Variants in POMT2 observed in about 807,000 individuals in gnomAD.
POMT2 encodes protein O-mannosyltransferase 2.
In POMT2, 75 loss-of-function variants were observed where a neutral mutation model predicts 100.0. That is an observed-to-expected ratio of 0.75 (90% CI 0.62 to 0.91). The LOEUF is 0.91. Among genes scored for constraint, POMT2 ranks in the 40% least tolerant of loss-of-function variants. POMT2 has a pLI of 0.00. For synonymous variants in POMT2, 378 were observed against 374.1 expected, an observed-to-expected ratio of 1.01 and a Z score of -0.12; for missense variants, 940 against 955.1, an observed-to-expected ratio of 0.98 and a Z score of 0.21.
At chr14:77,286,064 G>C (rs1156854957) in intron 12 of POMT2, among the ~76,000 whole-genome samples, 1 of 152,144 alleles carries the variant, frequency 6.6e-6, no homozygotes, top group African/African-American at 2.4e-5. Flanking sequence ...ATTGCACTTT[G>C]GAAATTAAGA....
At chr14:77,291,248 G>T in intron 10 of POMT2, 66 bp downstream of exon 10, 1 of 1,508,114 alleles carries the variant, frequency 6.6e-7, no homozygotes, top group South Asian at 1.2e-5. Flanking sequence ...TTGCAGGCAT[G>T]AGAAATCTTA....
At chr14:77,277,610 C>T in intron 20 of POMT2, 129 bp from the exon 21 acceptor site, 1 of 778,030 alleles carries the variant, frequency 1.3e-6, no homozygotes, top group Non-Finnish European at 2.3e-6. Flanking sequence ...CTTTCACGGC[C>T]TTGTCTGTCT....
At chr14:77,279,171 T>C in intron 18 of POMT2, 2 of 475,350 alleles carry the variant, frequency 4.2e-6, no homozygotes, top group Non-Finnish European at 3.9e-6. Context: ...TACTTCCACC[T>C]CCCACATCTT....
chr14:77,314,994 G>A (rs1322118403), intron 1 of POMT2, among the ~76,000 whole-genome samples: 2 of 152,172 alleles, frequency 1.3e-5, no homozygotes, highest in Admixed American at 6.5e-5. Flanking sequence ...AGACTGAGAT[G>A]ATTAAAGGTT....
At chr14:77,313,739 C>G (rs1386424099) in intron 1 of POMT2, among the ~76,000 whole-genome samples, 1 of 152,192 alleles carries the variant, frequency 6.6e-6, no homozygotes, top group Non-Finnish European at 1.5e-5. Flanking sequence ...CAGAGTTTCA[C>G]TCTTGTTGCC....
At position 77,320,458 on chromosome 14, in the gene POMT2, C is replaced by A; in HGVS notation, c.224G>T (p.Arg75Leu). The A allele has an allele frequency of 6.5e-7, 1 of 1,545,994 alleles. No individual in the cohort carries two copies. The highest frequency in any genetic ancestry group is 8.7e-7 in the Non-Finnish European group (1 of 1,146,974). ...TLLSFATRFH[R>L]LDEPPHICWD... ...CCAGATGTGCGGCGGCTCGTCCAAGCGGTGGAAGCGGGTGGCGAAGGACAG... is the reference window on the plus strand; with the variant it reads ...CCAGATGTGCGGCGGCTCGTCCAAGAGGTGGAAGCGGGTGGCGAAGGACAG... Residue 75 changes from arginine to leucine, a missense_variant, in exon 1 of 21, where the codon CGC becomes CTC. Physicochemically the swap from Arg to Leu is moderately radical, Grantham distance 102. Transcript: ENST00000261534.
chr14:77,291,310 T>A lies in POMT2; in HGVS notation c.1183+4A>T. 6.2e-7 allele frequency: 1 copy of A among 1,605,574 alleles called. No homozygotes were observed. The highest frequency in any genetic ancestry group is 8.5e-7 in the Non-Finnish European group (1 of 1,176,108). On this transcript the variant is annotated splice_donor_region_variant and intron_variant, in intron 10 of 20. Coordinates refer to ENST00000261534, the MANE Select transcript of POMT2 (RefSeq NM_013382.7). ...CAAGAAGCATCAGTCTCTGACCACA[T>A]TACCTGAGTTTGTGTTATGTTTCTT...
rs139830891 is a variant in POMT2 at position 77,296,186 on chromosome 14, C to T, written c.1094G>A (p.Gly365Asp). ...GACCTGCTGCTGACGGGCACCAATG[C>T]CCTCGGGGTAGAGGTGCCTGTGGGA... The part of the protein sequence containing the change: ...LHSHRHLYPE[G>D]IGARQQQVTT... The change falls in exon 9 of 21, where the codon GGC becomes GAC. Residue 365 changes from glycine (G) to aspartate (D), a missense_variant. By Grantham distance (94) the Gly-to-Asp change is moderately conservative. Transcript: ENST00000261534. 17 of 1,606,082 alleles carry T rather than the reference C, an allele frequency of 1.1e-5. No individual in the cohort carries two copies. The highest frequency in any genetic ancestry group is 1.4e-5 in the Non-Finnish European group (17 of 1,176,982).
chr14:77,285,429 T>A, intron 13 of POMT2, 52 bp downstream of exon 13: 2 of 1,609,674 alleles, frequency 1.2e-6, no homozygotes, highest in Non-Finnish European at 1.7e-6. Flanking sequence ...CCTTGTAGAG[T>A]GAAAGGAAAA....
At chr14:77,308,981 T>C (rs1194642909) in intron 2 of POMT2, among the ~76,000 whole-genome samples, 2 of 152,152 alleles carry the variant, frequency 1.3e-5, no homozygotes, top group East Asian at 1.9e-4. Flanking sequence ...ATCTACATAA[T>C]AGAATGACAC....
chr14:77,287,248 C>T (rs1240296427), intron 11 of POMT2: 3 of 191,408 alleles, frequency 1.6e-5, no homozygotes, highest in Admixed American at 1.1e-4. Flanking sequence ...CTGCTCCCAT[C>T]GCCAGATTTT....
intron 2 of POMT2, 104 bp downstream of exon 2, chr14:77,311,845 C>T: frequency 6.7e-7 from 1 of 1,501,560 alleles, no homozygotes; most frequent in Non-Finnish European, 8.9e-7. Context: ...TTCTACAAGT[C>T]CCAAATTCTT....
intron 1 of POMT2, chr14:77,319,732 C>T (rs1423657822): frequency 1.3e-5 from 2 of 152,464 alleles, no homozygotes; most frequent in Non-Finnish European, 2.9e-5. Flanking sequence ...TAACATGCAT[C>T]CTATTTCCTG....
chr14:77,300,751 CG>C, intron 6 of POMT2: 2 of 308,430 alleles, frequency 6.5e-6, no homozygotes, highest in South Asian at 5.8e-5. Context: ...ACCCAGGAGG[CG>C]GAAGTTGCAG....
In POMT2 at chr14:77,278,869, C is replaced by CTGA; in HGVS notation, c.1892-1_1892insTCA (p.Gly631delinsValArg). 1 of 1,613,000 alleles carries CTGA rather than the reference C, an allele frequency of 6.2e-7. No individual in the cohort carries two copies. The highest frequency in any genetic ancestry group is 1.3e-5 in the African/African-American group (1 of 75,034). ...TCCTCGAAGCAGGACCTGGGACAAC[C>CTGA]CTGGGCCCAAGCAGCACAGCCCAGT... On this transcript the variant is annotated protein_altering_variant and splice_region_variant. Coordinates refer to ENST00000261534, the MANE Select transcript of POMT2 (RefSeq NM_013382.7).
rs141193672 is a variant in POMT2, at chr14:77,278,826, G to A, written c.1935C>T (p.Leu645=). 209 of 1,613,356 alleles carry A rather than the reference G, an allele frequency of 1.3e-4. No individual in the cohort carries two copies. The African/African-American group carries it at 2.4e-3, about 19-fold the overall frequency. The change falls in exon 19 of 21, where the codon CTC becomes CTT. Residue 645 remains leucine (L), a synonymous_variant. Coordinates refer to ENST00000261534, the MANE Select transcript of POMT2 (RefSeq NM_013382.7). ...ACGGGAAGTAATGGAGTGTCCAGCCGAGCAGGACCTGGCCGCCTCCTCGAA... is the reference window on the plus strand; with the variant it reads ...ACGGGAAGTAATGGAGTGTCCAGCCAAGCAGGACCTGGCCGCCTCCTCGAA... ...VLLRGGGQVL[L]GWTLHYFPFF...
At chr14:77,320,321 C>G in intron 1 of POMT2, 113 bp downstream of exon 1, 1 of 1,521,520 alleles carries the variant, frequency 6.6e-7, no homozygotes, top group Non-Finnish European at 8.8e-7. Context: ...AAGTTCCCCT[C>G]CACCGTGGCC....
rs1443156075 is a variant in POMT2 at position 77,320,396 on chromosome 14, G to A, written c.248+38C>T. The stretch of plus-strand genomic sequence containing the variant: ...AATCAGAGGGCGGCGTCCCGTCGCG[G>A]TTGCCATGGTGCCCGCCGAGTCCCT... On this transcript the variant is annotated intron_variant, in intron 1 of 20. Coordinates refer to ENST00000261534, the MANE Select transcript of POMT2 (RefSeq NM_013382.7). 86 of 1,543,882 alleles carry A rather than the reference G, an allele frequency of 5.6e-5. 1 individual carries two copies. The East Asian group carries it at 2.1e-3, about 37-fold the overall frequency.
At chr14:77,280,748 C>A (rs182291367) in intron 15 of POMT2, among the ~76,000 whole-genome samples, 13 of 152,170 alleles carry the variant, frequency 8.5e-5, no homozygotes, top group Admixed American at 8.5e-4. Context: ...ATATACCCAT[C>A]TGCCAAGCTA....
Sources: allele counts gnomAD v4.1 joint callset (sites outside exome capture counted in the v4.1 genomes callset), GRCh38; gene constraint gnomAD v4.1.1; transcripts MANE v1.5; gene names NCBI Gene and HGNC (gene_info 2026-07-23, HGNC 2026-07-21).